The following RBMS3 variants were observed in gnomAD, a reference collection of about 807,000 sequenced individuals.
RBMS3 encodes the protein RNA-binding motif, single-stranded-interacting protein 3.
Under a neutral mutation model 66.8 loss-of-function variants are expected in RBMS3, and 27 were observed. The ratio of observed to expected loss-of-function variants is 0.40; its 90% confidence interval spans 0.30 to 0.56. The LOEUF (loss-of-function observed/expected upper bound fraction) is 0.56, where lower values mean the gene tolerates loss of function less well. Ranked by LOEUF, RBMS3 falls within the 20% of genes least tolerant of loss-of-function variation. RBMS3 has a pLI of 0.40. For missense variants in RBMS3, 513 were observed against 549.5 expected (o/e 0.93, Z 0.66); for synonymous variants, 188 against 183.0 (o/e 1.03, Z -0.22).
intron 4 of RBMS3, among the ~76,000 whole-genome samples, chr3:29,679,665 A>G (rs1202140210): frequency 6.6e-6 from 1 of 151,918 alleles, no homozygotes; most frequent in Admixed American, 6.6e-5. Flanking sequence ...CTCCTTTGGA[A>G]TTTTAGTTTC....
At chr3:29,795,444 G>T (rs2057152033) in intron 6 of RBMS3, among the ~76,000 whole-genome samples, 1 of 152,138 alleles carries the variant, frequency 6.6e-6, no homozygotes, top group South Asian at 2.1e-4. Context: ...TTCTTTTCAT[G>T]ATATAACTGG....
chr3:29,499,034 C>A (rs2043866531), intron 3 of RBMS3, among the ~76,000 whole-genome samples: 1 of 152,050 alleles, frequency 6.6e-6, no homozygotes, highest in African/African-American at 2.4e-5. Context: ...TGAGATAAAG[C>A]AAATTCCATC....
intron 6 of RBMS3, among the ~76,000 whole-genome samples, chr3:29,799,066 A>G (rs1238894322): frequency 2.0e-5 from 3 of 151,860 alleles, no homozygotes; most frequent in Non-Finnish European, 4.4e-5. Flanking sequence ...AAGCGATGTC[A>G]TTGATTTACC....
intron 4 of RBMS3, among the ~76,000 whole-genome samples, chr3:29,690,454 G>A (rs1021904768): frequency 6.6e-6 from 1 of 152,070 alleles, no homozygotes; most frequent in Non-Finnish European, 1.5e-5. Flanking sequence ...AATGATATAT[G>A]TATATTTTTA....
chr3:29,692,393 C>G (rs760369745), intron 4 of RBMS3, among the ~76,000 whole-genome samples: 12 of 152,118 alleles, frequency 7.9e-5, no homozygotes, highest in Non-Finnish European at 1.6e-4. Context: ...TGTCAATATT[C>G]ATTGTTTTGA....
At chr3:29,661,585 C>A (rs980046780) in intron 4 of RBMS3, among the ~76,000 whole-genome samples, 4 of 152,080 alleles carry the variant, frequency 2.6e-5, no homozygotes, top group Admixed American at 2.6e-4. Context: ...GTCCTTTTAA[C>A]TATGTATAAT....
chr3:29,800,624 A>G (rs559093340), intron 6 of RBMS3, among the ~76,000 whole-genome samples: 11 of 152,352 alleles, frequency 7.2e-5, no homozygotes, highest in African/African-American at 2.6e-4. Flanking sequence ...TATATTAATA[A>G]CTAATCATAG....
intron 4 of RBMS3, among the ~76,000 whole-genome samples, chr3:29,658,771 T>C (rs2050416332): frequency 6.6e-6 from 1 of 152,214 alleles, no homozygotes; most frequent in South Asian, 2.1e-4. Context: ...TTAATGAGGC[T>C]TTTTGACATT....
chr3:29,322,188 C>A (rs933464929), intron 1 of RBMS3, among the ~76,000 whole-genome samples: 1 of 151,790 alleles, frequency 6.6e-6, no homozygotes, highest in African/African-American at 2.4e-5. Context: ...TCTTTTCTAC[C>A]GTCTGGCTTA....
chr3:29,511,550 A>G (rs938673193), intron 3 of RBMS3, among the ~76,000 whole-genome samples: 2 of 152,134 alleles, frequency 1.3e-5, no homozygotes, highest in African/African-American at 4.8e-5. Flanking sequence ...CTCATGTCAA[A>G]AGACCTCAAC....
intron 4 of RBMS3, among the ~76,000 whole-genome samples, chr3:29,671,462 G>A (rs1438216410): frequency 1.3e-5 from 2 of 152,322 alleles, no homozygotes; most frequent in East Asian, 3.9e-4. Context: ...GGCTTCAGAA[G>A]ATCAGTAATA....
At chr3:29,508,707 A>G (rs1478985773) in intron 3 of RBMS3, among the ~76,000 whole-genome samples, 4 of 151,876 alleles carry the variant, frequency 2.6e-5, no homozygotes, top group Non-Finnish European at 4.4e-5. Flanking sequence ...TCCTTTCGGT[A>G]TATACCCAGT....
At position 29,497,513 on chromosome 3, in the gene RBMS3, C is replaced by A. The variant is rs115869998; in HGVS notation, c.307+9014C>A. ...CCTATTTTAAGAATTTGACTCATGT[C>A]GATAAACATAAAATGCTCTCTCTTC... is the stretch of plus-strand genomic sequence containing the variant. On this transcript the variant is annotated intron_variant, in intron 3 of 14. Transcript: ENST00000383767. Among the ~76,000 whole-genome samples the A allele has an allele frequency of 5.2e-3, 784 of 152,220 alleles. 7 individuals carry two copies. The highest frequency in any genetic ancestry group is 0.018 in the African/African-American group (752 of 41,534).
intron 1 of RBMS3, among the ~76,000 whole-genome samples, chr3:29,315,893 A>G (rs2034643788): frequency 6.6e-6 from 1 of 151,726 alleles, no homozygotes; most frequent in African/African-American, 2.4e-5. Context: ...ACTTTCCCAC[A>G]AACAACATAT....
chr3:29,679,299 C>T (rs2051387548), intron 4 of RBMS3, among the ~76,000 whole-genome samples: 1 of 152,090 alleles, frequency 6.6e-6, no homozygotes, highest in Admixed American at 6.6e-5. Context: ...TGCAAACAAC[C>T]AAAAAGCAGA....
chr3:29,914,459 C>A (rs552833723), intron 10 of RBMS3, among the ~76,000 whole-genome samples: 1 of 151,766 alleles, frequency 6.6e-6, no homozygotes, highest in Non-Finnish European at 1.5e-5. Flanking sequence ...TCTAGCAATT[C>A]GCTCACTTTT....
chr3:29,937,328 G>C (rs1425362170), intron 11 of RBMS3, among the ~76,000 whole-genome samples: 1 of 151,884 alleles, frequency 6.6e-6, no homozygotes, highest in Non-Finnish European at 1.5e-5. Flanking sequence ...CAATTATGCT[G>C]ACTCATTCTC....
rs552553996 is a variant in RBMS3, at chr3:29,821,870, GA to G, written c.638-46985del. The stretch of plus-strand genomic sequence containing the variant: ...CTTCTAGCCACATCAGATTCTGATG[GA>G]AAGTGTATCCATTTTTTCTTTCTGT... On this transcript the variant is annotated intron_variant, in intron 6 of 14. Transcript: ENST00000383767. 5.0e-3 allele frequency among the ~76,000 whole-genome samples: 768 copies of G among 152,178 alleles called. 2 individuals are homozygous for G. Among genetic ancestry groups the G allele is most frequent in the Non-Finnish European group, 8.8e-3 (601 of 67,996 alleles).
At chr3:29,509,835 A>G (rs2044328213) in intron 3 of RBMS3, among the ~76,000 whole-genome samples, 1 of 152,256 alleles carries the variant, frequency 6.6e-6, no homozygotes. Flanking sequence ...ATTCAGAACA[A>G]CAACAAAGGA....
Sources: gnomAD v4.1 joint callset for allele counts (sites outside exome capture counted in the v4.1 genomes callset) on GRCh38, gnomAD v4.1.1 for gene constraint, MANE v1.5 for transcripts, NCBI Gene and HGNC (gene_info 2026-07-23, HGNC 2026-07-21) for gene names.